Variants in ARHGAP27 observed in about 807,000 individuals in gnomAD.
ARHGAP27 encodes rho GTPase-activating protein 27.
ARHGAP27 carries 53 observed loss-of-function variants against 102.0 expected under a neutral mutation model. That is an observed-to-expected ratio of 0.52 (90% CI 0.42 to 0.65). The LOEUF (loss-of-function observed/expected upper bound fraction) is 0.65. Among genes scored for constraint, ARHGAP27 ranks in the 30% least tolerant of loss-of-function variants. The pLI is 0.00. For synonymous variants in ARHGAP27, 525 were observed against 542.8 expected (o/e 0.97, Z 0.46); for missense variants, 1,117 against 1,256.2 (o/e 0.89, Z 1.68).
chr17:45,399,955 C>T (rs1052715306), intron 12 of ARHGAP27, among the ~76,000 whole-genome samples: 1 of 152,174 alleles, frequency 6.6e-6, no homozygotes, highest in African/African-American at 2.4e-5. Context: ...GTCCTTGAGA[C>T]CAGGAGTTCA....
chr17:45,425,582 G>A, intron 4 of ARHGAP27: 7 of 985,652 alleles, frequency 7.1e-6, no homozygotes, highest in Non-Finnish European at 8.4e-6. Flanking sequence ...CAGTGGAGGA[G>A]AAGGAATGAG....
At chr17:45,418,626 G>A (rs1328503483) in intron 4 of ARHGAP27, among the ~76,000 whole-genome samples, 1 of 152,004 alleles carries the variant, frequency 6.6e-6, no homozygotes, top group Non-Finnish European at 1.5e-5. Flanking sequence ...ACTTAAACAC[G>A]CCCTGTTTCC....
chr17:45,404,141 G>T, intron 9 of ARHGAP27, 45 bp from the exon 10 acceptor site: 1 of 1,612,194 alleles, frequency 6.2e-7, no homozygotes, highest in Non-Finnish European at 8.5e-7. Context: ...TGTAGTTAAG[G>T]GGTGAGCTAT....
intron 5 of ARHGAP27, 72 bp downstream of exon 5, chr17:45,405,604 G>A: frequency 6.7e-7 from 1 of 1,499,038 alleles, no homozygotes. Context: ...TGTGTCCCTG[G>A]GCCTCTGGGA....
rs1386194854 is a variant in ARHGAP27, at chr17:45,394,173, C to T, written c.*1283G>A. The T allele has an allele frequency of 2.6e-5, 4 of 152,436 alleles. No individual in the cohort carries two copies. The highest frequency in any genetic ancestry group is 7.2e-5 in the African/African-American group (3 of 41,452). 9.4% of individuals were successfully genotyped at this position (152,436 alleles called of 1,614,324 possible). A position where few individuals can be genotyped will look rare whatever the true frequency, so the allele number is the denominator to read the frequency against. ...GAGAAACAAATGGGATAATCCAAGC[C>T]GAATGCTTGGCATGGTGCAAATGTC... On this transcript the variant is annotated 3_prime_UTR_variant, in exon 20 of 20. Coordinates refer to ENST00000685559, the MANE Select transcript of ARHGAP27 (RefSeq NM_001282290.2).
At chr17:45,397,927 A>G in intron 13 of ARHGAP27, 22 bp downstream of exon 13, 1 of 1,583,108 alleles carries the variant, frequency 6.3e-7, no homozygotes, top group Non-Finnish European at 8.6e-7. Flanking sequence ...CACTGCCCCT[A>G]GAGGCCCTGG....
intron 4 of ARHGAP27, among the ~76,000 whole-genome samples, chr17:45,421,944 T>A (rs1371699303): frequency 6.6e-6 from 1 of 152,140 alleles, no homozygotes; most frequent in African/African-American, 2.4e-5. Flanking sequence ...GGCAGGTGGA[T>A]CACTTGAGGT....
intron 4 of ARHGAP27, chr17:45,410,434 G>C (rs1456999335): frequency 1.5e-6 from 2 of 1,352,528 alleles, no homozygotes; most frequent in South Asian, 1.7e-5. Flanking sequence ...CCCATTTCCT[G>C]TCAGGGCTGC....
At chr17:45,420,975 T>C (rs1255269834) in intron 4 of ARHGAP27, among the ~76,000 whole-genome samples, 1 of 140,734 alleles carries the variant, frequency 7.1e-6, no homozygotes, top group African/African-American at 2.6e-5. Flanking sequence ...AAAAGACTGA[T>C]TTTTAGAACT....
Position 45,404,506 on chromosome 17 carries a change from C to A in ARHGAP27, c.1352G>T (p.Ser451Ile). The A allele has an allele frequency of 6.2e-7, 1 of 1,613,488 alleles. No individual in the cohort carries two copies. The highest frequency in any genetic ancestry group is 8.5e-7 in the Non-Finnish European group (1 of 1,179,806). ...LPQVPVPAPR[S>I]IHKSSQDGDT... ...ACCATCCTGGCTGGATTTATGGATGCTTCGAGGGGCAGGGACAGGGACCTG... is the reference window on the plus strand; with the variant it reads ...ACCATCCTGGCTGGATTTATGGATGATTCGAGGGGCAGGGACAGGGACCTG... Residue 451 changes from serine (S) to isoleucine (I), a missense_variant, in exon 8 of 20, where the codon AGC becomes ATC. Ser to Ile is a moderately radical substitution (Grantham distance 142, BLOSUM62 -2). Transcript: ENST00000685559.
In ARHGAP27 at chr17:45,430,050, G is replaced by A; in HGVS notation, c.230C>T (p.Ala77Val). Residue 77 changes from alanine to valine, a missense_variant, in exon 4 of 20, where the codon GCG (alanine) becomes GTG (valine). Ala to Val is a moderately conservative substitution (Grantham distance 64). Transcript: ENST00000685559. The surrounding 1 kb of genome is among the most constrained non-coding windows in gnomAD (Gnocchi z 4.4). ...GGGGCTCGGGTGGGGACCTGGCGGCGCGGCGGCGGCAGGGTTGCCCAGCGC... is the reference window on the plus strand; with the variant it reads ...GGGGCTCGGGTGGGGACCTGGCGGCACGGCGGCGGCAGGGTTGCCCAGCGC... ...LPALGNPAAA[A>V]PPGPHPSPAA... 1 of 1,262,776 alleles carries A rather than the reference G, an allele frequency of 7.9e-7. No individual in the cohort carries two copies. The allele number at this position is 1,262,776 out of a possible 1,614,324, so 78.2% of individuals were successfully genotyped here.
intron 4 of ARHGAP27, among the ~76,000 whole-genome samples, chr17:45,418,086 C>CT (rs35989894): frequency 0.48 from 68,309 of 143,186 alleles, 17,199 homozygotes; most frequent in South Asian, 0.6. Flanking sequence ...TGGACATTTT[C>CT]TTTTTTTTTC....
chr17:45,416,153 C>T (rs1157232164), intron 4 of ARHGAP27, among the ~76,000 whole-genome samples: 2 of 151,716 alleles, frequency 1.3e-5, no homozygotes, highest in African/African-American at 4.8e-5. Flanking sequence ...TCACGCCATT[C>T]TCCTGCCTCA....
In ARHGAP27 at chr17:45,405,833, G is replaced by C; in HGVS notation, c.908C>G (p.Thr303Ser). 6.5e-7 allele frequency: 1 copy of C among 1,537,222 alleles called. No individual in the cohort carries two copies. The highest frequency in any genetic ancestry group is 8.7e-7 in the Non-Finnish European group (1 of 1,147,256). ...CTCATCCCAGTACTGGCCCCACTCG[G>C]TCTCAAGGCTCACGTGGCTGTCCAC... is the stretch of plus-strand genomic sequence containing the variant. Reference protein sequence around the residue: ...ASVDSHVSLETEWGQYWDEES... With the variant: ...ASVDSHVSLESEWGQYWDEES... The change falls in exon 5 of 20, where the codon ACC becomes AGC. Residue 303 changes from threonine to serine, a missense_variant. Thr to Ser is a moderately conservative substitution (Grantham distance 58, BLOSUM62 1). This residue lies in a region of ARHGAP27 where 610 missense variants were observed against 716.4 expected (regional missense o/e 0.85). Coordinates refer to ENST00000685559, the MANE Select transcript of ARHGAP27 (RefSeq NM_001282290.2).
At chr17:45,419,516 A>G (rs12948049) in intron 4 of ARHGAP27, among the ~76,000 whole-genome samples, 1,450 of 6,098 alleles carry the variant, frequency 0.24, 27 homozygotes, top group African/African-American at 0.35. Context: ...CTGTATGTAT[A>G]TATATATATA....
At chr17:45,416,324 G>A (rs1401648400) in intron 4 of ARHGAP27, among the ~76,000 whole-genome samples, 1 of 152,012 alleles carries the variant, frequency 6.6e-6, no homozygotes, top group Non-Finnish European at 1.5e-5. Flanking sequence ...AAAGTGCTGG[G>A]ATTACAGGCG....
chr17:45,397,238 C>T, intron 13 of ARHGAP27: 1 of 1,417,436 alleles, frequency 7.1e-7, no homozygotes, highest in Non-Finnish European at 9.2e-7. Flanking sequence ...CCTTAAGGTG[C>T]AGAGACAGTC....
chr17:45,395,660 G>A, intron 19 of ARHGAP27, 27 bp from the exon 20 acceptor site: 1 of 1,583,252 alleles, frequency 6.3e-7, no homozygotes, highest in Non-Finnish European at 8.6e-7. Flanking sequence ...TGGGTTCAGG[G>A]CTCCGAACTG....
chr17:45,429,599 G>A, intron 4 of ARHGAP27, 24 bp downstream of exon 4: 2 of 1,572,832 alleles, frequency 1.3e-6, no homozygotes, highest in East Asian at 2.3e-5. Context: ...ACCCGCCTCC[G>A]CGCCCCAGCG....
Sources: gnomAD v4.1 joint callset for allele counts (sites outside exome capture counted in the v4.1 genomes callset) on GRCh38, gnomAD v4.1.1 for gene constraint, gnomAD v4.1.1 regional missense constraint, Gnocchi (gnomAD v3.1) non-coding constraint, MANE v1.5 for transcripts, NCBI Gene and HGNC (gene_info 2026-07-23, HGNC 2026-07-21) for gene names.